Variants in KDM5C observed in about 807,000 individuals in gnomAD.
KDM5C encodes the protein lysine-specific demethylase 5C.
In KDM5C, 16 loss-of-function variants were observed where a neutral mutation model predicts 110.6. That is an observed-to-expected ratio of 0.14 (90% CI 0.10 to 0.22). The LOEUF is 0.22. KDM5C is among the 10% of genes least tolerant of loss of function. The probability of loss-of-function intolerance (pLI) is 1.00; values close to 1 mark genes in which losing one functional copy is unlikely to be tolerated. For synonymous variants in KDM5C, 511 were observed against 520.4 expected, an observed-to-expected ratio of 0.98 and a Z score of 0.24; for missense variants, 681 against 1,300.9, an observed-to-expected ratio of 0.52 and a Z score of 7.33.
intron 2 of KDM5C, 183 bp from the exon 3 acceptor site, chrX:53,218,581 C>T (rs1472720375): frequency 3.1e-5 from 17 of 550,995 alleles, no homozygotes; most frequent in Admixed American, 8.2e-5. Flanking sequence ...TCATTTCTTT[C>T]GTTTTTGTTT....
intron 1 of KDM5C, chrX:53,221,625 G>A: frequency 1.7e-6 from 1 of 593,699 alleles, no homozygotes; most frequent in Non-Finnish European, 2.5e-6. Flanking sequence ...TCAGTTTAAA[G>A]GGCCTGAGAT....
chrX:53,211,745 T>C, intron 9 of KDM5C, 42 bp downstream of exon 9: 1 of 1,210,551 alleles, frequency 8.3e-7, no homozygotes, highest in Non-Finnish European at 1.1e-6. Flanking sequence ...CATCAATACC[T>C]ATGATCCTAG....
chrX:53,217,793 T>C lies in KDM5C; in HGVS notation c.522+3A>G. On this transcript the variant is annotated splice_donor_region_variant and intron_variant, in intron 4 of 25. Transcript: ENST00000375401. ...GCACCCTGCCCCACTGTGACATCCT[T>C]ACCACAAGGTTGGCTCCAGACTGGT... 1 of 1,211,167 alleles carries C rather than the reference T, an allele frequency of 8.3e-7. No individual in the cohort carries two copies. Among genetic ancestry groups the C allele is most frequent in the Non-Finnish European group, 1.1e-6 (1 of 894,966 alleles).
At chrX:53,194,811 C>T (rs1934706313) in intron 22 of KDM5C, 73 bp from the exon 23 acceptor site, 1 of 1,192,901 alleles carries the variant, frequency 8.4e-7, no homozygotes, top group South Asian at 1.8e-5. Context: ...CCCCTTAACA[C>T]CCCCACTCCC....
rs782119238 is a variant in KDM5C at position 53,193,132 on chromosome X, G to A, written c.4518C>T (p.Gly1506=). The A allele has an allele frequency of 8.3e-7, 1 of 1,210,006 alleles. No homozygotes were observed. The highest frequency in any genetic ancestry group is 1.1e-6 in the Non-Finnish European group (1 of 894,810). The change falls in exon 26 of 26, where the codon GGC becomes GGT. Residue 1506 remains glycine (G), a synonymous_variant. Transcript: ENST00000375401. The part of the protein sequence containing the change: ...EELEEETGGE[G]PPAPIPTTGS... Reference sequence around the variant, plus strand: ...CAGTGGTGGGGATGGGTGCAGGGGGGCCCTCACCCCCAGTCTCCTCCTCCA... The same window carrying A: ...CAGTGGTGGGGATGGGTGCAGGGGGACCCTCACCCCCAGTCTCCTCCTCCA...
intron 25 of KDM5C, among the ~76,000 whole-genome samples, chrX:53,179,139 C>T (rs782473646): frequency 4.5e-5 from 5 of 110,094 alleles, no homozygotes; most frequent in Admixed American, 9.7e-5. Flanking sequence ...GAGGCTGAGG[C>T]GGGAGAATCG....
At chrX:53,188,875 CT>C (rs1230100746), downstream of KDM5C, among the ~76,000 whole-genome samples, 1 of 111,295 alleles carries the variant, frequency 9.0e-6, no homozygotes, top group African/African-American at 3.3e-5. Flanking sequence ...GGCAAGGAAC[CT>C]GAGAGTGACC....
chrX:53,210,381 C>T, intron 12 of KDM5C, 33 bp downstream of exon 12: 1 of 1,209,464 alleles, frequency 8.3e-7, no homozygotes, highest in Non-Finnish European at 1.1e-6. Flanking sequence ...CTAAATCACT[C>T]CTGCCGCTTG....
downstream of KDM5C, among the ~76,000 whole-genome samples, chrX:53,190,457 C>A (rs1426875390): frequency 1.8e-5 from 2 of 112,575 alleles, no homozygotes; most frequent in East Asian, 5.6e-4. Flanking sequence ...CTCTTCCTCT[C>A]CTGTCTGGAC....
chrX:53,207,239 G>C (rs1281016985), intron 12 of KDM5C, among the ~76,000 whole-genome samples: 1 of 106,397 alleles, frequency 9.4e-6, no homozygotes, highest in Non-Finnish European at 1.9e-5. Flanking sequence ...AAAGAAACAG[G>C]TAAAATTAAG....
intron 18 of KDM5C, 55 bp from the exon 19 acceptor site, chrX:53,197,099 C>G: frequency 1.1e-6 from 1 of 938,739 alleles, no homozygotes; most frequent in South Asian, 2.1e-5. Context: ...CTGAGGGGTT[C>G]CACCACCAGA....
At chrX:53,202,336 A>T in intron 12 of KDM5C, 1 of 205,063 alleles carries the variant, frequency 4.9e-6, no homozygotes, top group Non-Finnish European at 9.0e-6. Flanking sequence ...CTCTATAAAG[A>T]TCTGTTATAA....
At chrX:53,186,837 T>C (rs145879798), downstream of KDM5C, among the ~76,000 whole-genome samples, 823 of 112,036 alleles carry the variant, frequency 7.3e-3, 2 homozygotes, top group Admixed American at 0.011. Flanking sequence ...GTTTCATGAG[T>C]AGTTTTTAAT....
chrX:53,211,796 C>T lies in KDM5C; in HGVS notation c.1233G>A (p.Met411Ile), dbSNP rs1556849104. Residue 411 changes from methionine (M) to isoleucine (I), a missense_variant, in exon 9 of 26, where the codon ATG (methionine) becomes ATA (isoleucine). Coordinates refer to ENST00000375401, the MANE Select transcript of KDM5C (RefSeq NM_004187.5). ...ADSFKADYFN[M>I]PVHMVPTELV... ...GCCCTCCATCACCTACATGCACGGG[C>T]ATGTTGAAGTAGTCAGCTTTAAAGG... The T allele has an allele frequency of 8.3e-7, 1 of 1,211,403 alleles. No homozygotes were observed. The highest frequency in any genetic ancestry group is 1.1e-6 in the Non-Finnish European group (1 of 895,133).
At chrX:53,182,666 C>T (rs182763093) in intron 25 of KDM5C, among the ~76,000 whole-genome samples, 46 of 113,263 alleles carry the variant, frequency 4.1e-4, no homozygotes, top group Admixed American at 1.8e-3. Flanking sequence ...TGCGCCTGGC[C>T]TCCTTTGCCC....
rs1428564721 is a variant in KDM5C at position 53,181,694 on chromosome X, A to G, written c.4309-5072T>C. Among the ~76,000 whole-genome samples the G allele has an allele frequency of 3.4e-4, 37 of 109,003 alleles. 1 individual carries two copies. Among genetic ancestry groups the G allele is most frequent in the Middle Eastern group, 9.7e-3 (2 of 207 alleles). The allele number at this position is 109,003 out of a possible 115,157, so 94.7% of individuals were successfully genotyped here. A position where few individuals can be genotyped will look rare whatever the true frequency, so the allele number is the denominator to read the frequency against. ...ATGTCTCAAAAAAAAAAAAAAAAAA[A>G]AAAAAGAAAAAGAAAAAAAGAAACC... is the stretch of plus-strand genomic sequence containing the variant. On this transcript the variant is annotated intron_variant, in intron 25 of 25. Coordinates refer to the KDM5C transcript ENST00000685641.
At chrX:53,186,217 AC>A (rs1370348675) in intron 25 of KDM5C, among the ~76,000 whole-genome samples, 1 of 111,715 alleles carries the variant, frequency 9.0e-6, no homozygotes, top group Non-Finnish European at 1.9e-5. Flanking sequence ...TCGAATCTAC[AC>A]AGTATAGATG....
chrX:53,201,294 T>C, intron 14 of KDM5C: 3 of 404,292 alleles, frequency 7.4e-6, no homozygotes, highest in Non-Finnish European at 1.3e-5. Flanking sequence ...AAACATTATC[T>C]TTAATACAAT....
At chrX:53,196,199 T>G in intron 19 of KDM5C, 145 bp from the exon 20 acceptor site, 2 of 653,223 alleles carry the variant, frequency 3.1e-6, no homozygotes, top group Non-Finnish European at 4.7e-6. Context: ...GTATTCCACC[T>G]AAGGGTAGCT....
Sources: allele counts gnomAD v4.1 joint callset (sites outside exome capture counted in the v4.1 genomes callset), GRCh38; gene constraint gnomAD v4.1.1; transcripts MANE v1.5; gene names NCBI Gene and HGNC (gene_info 2026-07-23, HGNC 2026-07-21).